USH1C: variants seen among roughly 807,000 people sequenced by gnomAD.
The protein encoded by USH1C is USH1 protein network component harmonin, also known as harmonin.
Under a neutral mutation model 119.3 loss-of-function variants are expected in USH1C, and 90 were observed. The observed-to-expected ratio is 0.75, with a 90% CI of 0.64 to 0.90. The LOEUF (loss-of-function observed/expected upper bound fraction) is 0.90, where lower values mean the gene tolerates loss of function less well. Among genes scored for constraint, USH1C ranks in the 40% least tolerant of loss-of-function variants. USH1C has a pLI of 0.00. For missense variants in USH1C, 1,165 were observed against 1,167.7 expected (o/e 1.00, Z 0.03); for synonymous variants, 465 against 443.3 (o/e 1.05, Z -0.62).
At chr11:17,496,643 C>T (rs914440632) in intron 25 of USH1C, 115 bp downstream of exon 25, 16 of 1,289,472 alleles carry the variant, frequency 1.2e-5, no homozygotes, top group Non-Finnish European at 1.7e-5. Flanking sequence ...TGAGAAGCTG[C>T]GTGCTTGGGC....
rs1352321680 is a variant in USH1C, at chr11:17,512,055, C to G, written c.1261-1G>C. ...TGGCTTTCTTCTTATCTTTTCCTTT[C>G]TGAGTAGATGTGGCATTGTTTATAT... On this transcript the variant is annotated splice_acceptor_variant, in intron 15 of 26. Transcript: ENST00000005226. LOFTEE classifies it high-confidence loss of function. The G allele has an allele frequency of 1.2e-6, 2 of 1,614,132 alleles. No homozygotes were observed. Among genetic ancestry groups the G allele is most frequent in the Non-Finnish European group, 1.7e-6 (2 of 1,180,022 alleles).
At chr11:17,512,130 C>G in intron 15 of USH1C, 76 bp from the exon 16 acceptor site, 1 of 1,503,018 alleles carries the variant, frequency 6.7e-7, no homozygotes, top group South Asian at 1.1e-5. Flanking sequence ...GGCATCCAGT[C>G]CTCACATAAC....
intron 26 of USH1C, 41 bp downstream of exon 26, chr11:17,495,528 G>GCAGGGA (rs751011739): frequency 6.3e-7 from 1 of 1,593,298 alleles, no homozygotes; most frequent in Non-Finnish European, 8.6e-7. Flanking sequence ...ACTGCAAGCA[G>GCAGGGA]CAGGGACACA....
rs528008701 is a variant in USH1C, at chr11:17,544,359, C to G, written c.-52G>C. The G allele has an allele frequency of 1.2e-6, 2 of 1,612,660 alleles. No individual in the cohort carries two copies. The highest frequency in any genetic ancestry group is 1.7e-5 in the Admixed American group (1 of 59,994). On this transcript the variant is annotated 5_prime_UTR_variant, in exon 1 of 27. Transcript: ENST00000005226. ...TGCACGACCCGTTCCTTCGGGTGCC[C>G]GGCTGCCAGGAGCTGGAAAGAGCCG...
In USH1C at chr11:17,506,068, A is replaced by C. The variant is rs1053782005; in HGVS notation, c.2014-119T>G. On this transcript the variant is annotated intron_variant, in intron 18 of 26. Transcript: ENST00000005226. ...ATGCATATGTGAAGCCAGCCTGGTC[A>C]TTCAACTGCTCGAGGTCCTGGGGTT... 3.5e-6 allele frequency: 5 copies of C among 1,443,640 alleles called. No individual in the cohort carries two copies. In the African/African-American group the frequency reaches 7.0e-5, roughly 20 times the overall value. The allele number at this position is 1,443,640 out of a possible 1,614,324, so 89.4% of individuals were successfully genotyped here. A position where few individuals can be genotyped will look rare whatever the true frequency, so the allele number is the denominator to read the frequency against.
In USH1C at chr11:17,501,927, G is replaced by T. The variant is rs17703528; in HGVS notation, c.2226+12C>A. 1 of 1,613,060 alleles carries T rather than the reference G, an allele frequency of 6.2e-7. No individual in the cohort carries two copies. The highest frequency in any genetic ancestry group is 2.2e-5 in the East Asian group (1 of 44,846). ...GGGGTTACTTGTCCAGGAGAGAAGC[G>T]TCATCTCTTACCATAGAGTAGGGGT... On this transcript the variant is annotated intron_variant, in intron 21 of 26. Coordinates refer to ENST00000005226, the MANE Select transcript of USH1C (RefSeq NM_153676.4).
intron 13 of USH1C, 66 bp from the exon 14 acceptor site, chr11:17,521,060 G>A (rs957175401): frequency 2.9e-5 from 46 of 1,604,058 alleles, no homozygotes; most frequent in African/African-American, 1.5e-4. Flanking sequence ...CCTGCATATC[G>A]GAGAGCCCCA....
chr11:17,520,937 C>A lies in USH1C; in HGVS notation c.1143G>T (p.Lys381Asn). 1 of 1,614,120 alleles carries A rather than the reference C, an allele frequency of 6.2e-7. No individual in the cohort carries two copies. The highest frequency in any genetic ancestry group is 8.5e-7 in the Non-Finnish European group (1 of 1,180,006). ...KKQWEEDWGS[K>N]EQLLLPKTIT... is the part of the protein sequence containing the mutation. ...TGGTTTTAGGCAAGAGTAGCTGTTC[C>A]TTTGAGCCCCAGTCTTCTTCCCATT... The change falls in exon 14 of 27, where the codon AAG becomes AAT. Residue 381 changes from lysine (K) to asparagine (N), a missense_variant. Coordinates refer to ENST00000005226, the MANE Select transcript of USH1C (RefSeq NM_153676.4).
intron 15 of USH1C, among the ~76,000 whole-genome samples, chr11:17,514,821 T>G (rs1333235930): frequency 6.8e-6 from 1 of 146,814 alleles, no homozygotes; most frequent in Non-Finnish European, 1.5e-5. Flanking sequence ...TTTTTTGAAG[T>G]GAAAATGAAA....
At chr11:17,513,520 G>A (rs78814765) in intron 15 of USH1C, among the ~76,000 whole-genome samples, 1,832 of 152,248 alleles carry the variant, frequency 0.012, 49 homozygotes, top group African/African-American at 0.042. Flanking sequence ...CTCTCCTAAA[G>A]ACACACACCT....
intron 4 of USH1C, among the ~76,000 whole-genome samples, chr11:17,527,762 T>A (rs1850775811): frequency 6.6e-6 from 1 of 152,206 alleles, no homozygotes; most frequent in South Asian, 2.1e-4. Context: ...GGAAGTTGGC[T>A]CCCTATCTCT....
At position 17,522,810 on chromosome 11, in the gene USH1C, G is replaced by A; in HGVS notation, c.993C>T (p.Leu331=). 1 of 1,614,014 alleles carries A rather than the reference G, an allele frequency of 6.2e-7. No homozygotes were observed. The highest frequency in any genetic ancestry group is 8.5e-7 in the Non-Finnish European group (1 of 1,179,996). The change falls in exon 12 of 27, where the codon CTC becomes CTT. Residue 331 remains leucine, a synonymous_variant. Coordinates refer to ENST00000005226, the MANE Select transcript of USH1C (RefSeq NM_153676.4). The part of the protein sequence containing the change: ...KRLAMESNKI[L]QEQQEMERQR... ...GCCGCTCCATCTCCTGCTGCTCCTG[G>A]AGGATCTTGTTGGACTCCATCGCCA...
rs1259511844 is a variant in USH1C, at chr11:17,509,851, C to A, written c.1531-13G>T. ...GCCCTGTGGTCATCTGGGGGTGTTGCAAGGAAGTTCTGTAATTGTCACTCT... is the reference window on the plus strand; with the variant it reads ...GCCCTGTGGTCATCTGGGGGTGTTGAAAGGAAGTTCTGTAATTGTCACTCT... On this transcript the variant is annotated splice_polypyrimidine_tract_variant and intron_variant, in intron 17 of 26. Coordinates refer to ENST00000005226, the MANE Select transcript of USH1C (RefSeq NM_153676.4). The A allele has an allele frequency of 1.3e-6, 2 of 1,586,920 alleles. No homozygotes were observed. The highest frequency in any genetic ancestry group is 1.7e-6 in the Non-Finnish European group (2 of 1,173,036).
chr11:17,506,809 T>C (rs1484887444), intron 18 of USH1C, among the ~76,000 whole-genome samples: 1 of 152,200 alleles, frequency 6.6e-6, no homozygotes, highest in Non-Finnish European at 1.5e-5. Flanking sequence ...TTCCTCCGTC[T>C]CCACGCTGAT....
chr11:17,496,272 A>G (rs1343562818), intron 25 of USH1C, among the ~76,000 whole-genome samples: 2 of 152,208 alleles, frequency 1.3e-5, no homozygotes, highest in Non-Finnish European at 2.9e-5. Context: ...AGAGAGAGAC[A>G]GTCTAGGCCA....
chr11:17,506,025 A>G (rs1849635576), intron 18 of USH1C, 76 bp from the exon 19 acceptor site: 2 of 1,603,580 alleles, frequency 1.2e-6, no homozygotes, highest in Admixed American at 3.4e-5. Flanking sequence ...ACTTCTACAC[A>G]CATGCAAATC....
chr11:17,533,940 C>T (rs542156063), intron 1 of USH1C: 10 of 295,060 alleles, frequency 3.4e-5, no homozygotes, highest in African/African-American at 1.3e-4. Flanking sequence ...GCACAAGCCC[C>T]GCAGGGGGAG....
chr11:17,496,517 C>G (rs1407445051), intron 25 of USH1C, among the ~76,000 whole-genome samples: 2 of 152,228 alleles, frequency 1.3e-5, no homozygotes, highest in African/African-American at 4.8e-5. Flanking sequence ...AGACCTCATG[C>G]CTCAATTCCC....
At chr11:17,512,179 A>C in intron 15 of USH1C, 125 bp from the exon 16 acceptor site, 1 of 1,052,580 alleles carries the variant, frequency 9.5e-7, no homozygotes, top group Non-Finnish European at 1.5e-6. Context: ...CAGCTCTCTC[A>C]CCACTCTGGA....
Sources: gnomAD v4.1 joint callset for allele counts (sites outside exome capture counted in the v4.1 genomes callset) on GRCh38, gnomAD v4.1.1 for gene constraint, MANE v1.5 for transcripts, NCBI Gene and HGNC (gene_info 2026-07-23, HGNC 2026-07-21) for gene names.